The following PLCE1 variants were observed in gnomAD, a reference collection of about 807,000 sequenced individuals.
PLCE1 encodes 1-phosphatidylinositol 4,5-bisphosphate phosphodiesterase epsilon-1.
Under a neutral mutation model 242.8 loss-of-function variants are expected in PLCE1, and 119 were observed. The ratio of observed to expected loss-of-function variants is 0.49; its 90% confidence interval spans 0.42 to 0.57. PLCE1 has a LOEUF of 0.57. PLCE1 is among the 20% of genes least tolerant of loss of function. The pLI, the probability that PLCE1 is intolerant of heterozygous loss-of-function variation, is 0.00. For synonymous variants in PLCE1, 945 were observed against 1,017.4 expected, an observed-to-expected ratio of 0.93 and a Z score of 1.35; for missense variants, 2,441 against 2,788.8, an observed-to-expected ratio of 0.88 and a Z score of 2.81.
At chr10:94,164,730 A>C (rs1320880648) in intron 3 of PLCE1, among the ~76,000 whole-genome samples, 2 of 152,032 alleles carry the variant, frequency 1.3e-5, no homozygotes, top group East Asian at 3.9e-4. Flanking sequence ...TAGAATTTTC[A>C]GTTTTGTTGT....
intron 1 of PLCE1, among the ~76,000 whole-genome samples, chr10:94,016,863 C>G (rs2061292135): frequency 6.6e-6 from 1 of 151,958 alleles, no homozygotes; most frequent in Non-Finnish European, 1.5e-5. Context: ...GCACTTTGGC[C>G]AAAGCTTGCT....
intron 4 of PLCE1, among the ~76,000 whole-genome samples, chr10:94,213,998 T>TA (rs563887520): frequency 3.9e-5 from 6 of 152,124 alleles, no homozygotes; most frequent in Non-Finnish European, 8.8e-5. Context: ...AGCGAGGAAA[T>TA]AAGAGTCTCA....
chr10:94,014,433 G>T (rs1449257464), intron 1 of PLCE1, among the ~76,000 whole-genome samples: 1 of 115,824 alleles, frequency 8.6e-6, no homozygotes, highest in African/African-American at 3.7e-5. Flanking sequence ...GAGAAATCCT[G>T]TCTTTAAAAA....
chr10:94,010,685 A>T (rs1240186687), intron 1 of PLCE1, among the ~76,000 whole-genome samples: 3 of 152,182 alleles, frequency 2.0e-5, no homozygotes, highest in African/African-American at 7.2e-5. Flanking sequence ...TCTTCTGCCA[A>T]ATACCCCAAG....
chr10:94,008,993 A>C (rs1815258262), intron 1 of PLCE1, among the ~76,000 whole-genome samples: 1 of 152,170 alleles, frequency 6.6e-6, no homozygotes, highest in Admixed American at 6.6e-5. Flanking sequence ...ATCACCTCCC[A>C]GGGGTCAACT....
At chr10:94,257,756 C>T (rs2051151529) in intron 11 of PLCE1, among the ~76,000 whole-genome samples, 1 of 152,124 alleles carries the variant, frequency 6.6e-6, no homozygotes, top group Non-Finnish European at 1.5e-5. Context: ...GAATATCACA[C>T]ACCAGGGCCT....
intron 3 of PLCE1, among the ~76,000 whole-genome samples, chr10:94,164,119 C>A (rs371058529): frequency 2.0e-5 from 3 of 151,982 alleles, no homozygotes; most frequent in African/African-American, 7.2e-5. Context: ...TGAATCTGAC[C>A]ATTATGTGTC....
chr10:94,289,324 G>C (rs888610337), intron 22 of PLCE1, among the ~76,000 whole-genome samples: 8 of 152,152 alleles, frequency 5.3e-5, no homozygotes, highest in African/African-American at 1.9e-4. Flanking sequence ...CCCAGACTCA[G>C]CTTCTCTCCT....
intron 2 of PLCE1, among the ~76,000 whole-genome samples, chr10:94,106,753 T>G (rs750869368): frequency 5.9e-5 from 9 of 152,244 alleles, no homozygotes; most frequent in Admixed American, 1.3e-4. Flanking sequence ...TGCTTCCTTC[T>G]TAACCGTTCC....
intron 4 of PLCE1, among the ~76,000 whole-genome samples, chr10:94,190,386 AT>A (rs1405591724): frequency 1.3e-5 from 2 of 152,178 alleles, no homozygotes; most frequent in African/African-American, 4.8e-5. Context: ...AGGCAAAAGG[AT>A]TGCTTCAGGC....
intron 23 of PLCE1, among the ~76,000 whole-genome samples, chr10:94,297,590 T>TAAAAAAAAAAAAAAAAAAAAAAAAAAA (rs71031568): frequency 7.1e-5 from 4 of 56,580 alleles, no homozygotes; most frequent in African/African-American, 1.7e-4. Context: ...TTTAAATTTG[T>TAAAAAAAAAAAAAAAAAAAAAAAAAAA]AAAAAAAAAA....
rs2050138891 is a variant in PLCE1 at position 94,231,404 on chromosome 10, T to C, written c.1956-2650T>C. Among the ~76,000 whole-genome samples the C allele has an allele frequency of 2.0e-5, 3 of 152,184 alleles. 1 individual carries two copies. The highest frequency in any genetic ancestry group is 2.0e-4 in the Admixed American group (3 of 15,282). ...ACAAGCTGGATTTAGTGGGATGAAA[T>C]CATAAAATGCTTTTACTTTTCTGAT... is the stretch of plus-strand genomic sequence containing the variant. On this transcript the variant is annotated intron_variant, in intron 5 of 32. Coordinates refer to ENST00000371380, the MANE Select transcript of PLCE1 (RefSeq NM_016341.4).
chr10:94,265,819 C>T lies in PLCE1; in HGVS notation c.4142C>T (p.Ala1381Val). The T allele has an allele frequency of 6.2e-7, 1 of 1,613,882 alleles. No individual in the cohort carries two copies. The highest frequency in any genetic ancestry group is 8.5e-7 in the Non-Finnish European group (1 of 1,179,952). ...ARFLMDKENF[A>V]SKNDESQENI... is the part of the protein sequence containing the mutation. ...TTTCTGATGGATAAAGAAAATTTTG[C>T]CTCAAAAAATGATGAGTCACAGGAG... The change falls in exon 16 of 33, where the codon GCC (alanine) becomes GTC (valine). Residue 1381 changes from alanine (A) to valine (V), a missense_variant. Physicochemically the swap from Ala to Val is moderately conservative, Grantham distance 64 (BLOSUM62 0). Transcript: ENST00000371380.
At chr10:94,010,183 A>T (rs1206235599) in intron 1 of PLCE1, among the ~76,000 whole-genome samples, 2 of 152,210 alleles carry the variant, frequency 1.3e-5, no homozygotes, top group Non-Finnish European at 2.9e-5. Flanking sequence ...CATGGAAGCC[A>T]CCAGGGCATA....
At chr10:94,295,613 A>T (rs993202763) in intron 23 of PLCE1, among the ~76,000 whole-genome samples, 1 of 152,170 alleles carries the variant, frequency 6.6e-6, no homozygotes, top group African/African-American at 2.4e-5. Flanking sequence ...AATGCTCTTA[A>T]GGGCGTCTAG....
intron 1 of PLCE1, among the ~76,000 whole-genome samples, chr10:94,016,410 T>G (rs2061283893): frequency 6.6e-6 from 1 of 152,126 alleles, no homozygotes; most frequent in Admixed American, 6.5e-5. Context: ...GTTTCATACA[T>G]ACCTTATATG....
intron 4 of PLCE1, among the ~76,000 whole-genome samples, chr10:94,187,182 G>A (rs1032733321): frequency 7.3e-5 from 10 of 136,370 alleles, no homozygotes; most frequent in East Asian, 4.2e-4. Context: ...GTGTGTGTGT[G>A]CGTGCACACA....
intron 2 of PLCE1, among the ~76,000 whole-genome samples, chr10:94,097,472 G>A (rs1180783359): frequency 6.6e-6 from 1 of 152,110 alleles, no homozygotes; most frequent in Non-Finnish European, 1.5e-5. Flanking sequence ...CAAGCATGAT[G>A]CTAAGTGCCA....
chr10:93,995,103 G>A (rs1589826362), intron 1 of PLCE1, among the ~76,000 whole-genome samples: 3 of 152,154 alleles, frequency 2.0e-5, no homozygotes, highest in Admixed American at 2.0e-4. Flanking sequence ...GCACTACTGA[G>A]GCCAAGAATG....
Sources: allele counts gnomAD v4.1 joint callset (sites outside exome capture counted in the v4.1 genomes callset), GRCh38; gene constraint gnomAD v4.1.1; transcripts MANE v1.5; gene names NCBI Gene and HGNC (gene_info 2026-07-23, HGNC 2026-07-21).